The following KIFC3 variants were observed in gnomAD, a reference collection of about 807,000 sequenced individuals.
KIFC3 encodes kinesin family member C3.
KIFC3 carries 60 observed loss-of-function variants against 101.8 expected under a neutral mutation model. The observed-to-expected ratio is 0.59, with a 90% CI of 0.48 to 0.73. The LOEUF (loss-of-function observed/expected upper bound fraction) is 0.73, where lower values mean the gene tolerates loss of function less well. KIFC3 is among the 30% of genes least tolerant of loss of function. The pLI, the probability that KIFC3 is intolerant of heterozygous loss-of-function variation, is 0.00. For synonymous variants in KIFC3, 476 were observed against 482.7 expected (o/e 0.99, Z 0.18); for missense variants, 966 against 1,137.1 (o/e 0.85, Z 2.16).
intron 1 of KIFC3, chr16:57,810,729 C>T (rs782623591): frequency 8.4e-5 from 82 of 972,248 alleles, no homozygotes; most frequent in Non-Finnish European, 9.2e-5. Flanking sequence ...AAGGGAAAAA[C>T]TCTTTACACA....
intron 2 of KIFC3, among the ~76,000 whole-genome samples, chr16:57,796,935 G>A (rs2054371007): frequency 6.6e-6 from 1 of 152,210 alleles, no homozygotes; most frequent in Admixed American, 6.5e-5. Flanking sequence ...CAACCTTATG[G>A]GGTAGAGGCC....
intron 1 of KIFC3, among the ~76,000 whole-genome samples, chr16:57,849,213 A>G (rs2055997544): frequency 6.6e-6 from 1 of 152,166 alleles, no homozygotes; most frequent in Non-Finnish European, 1.5e-5. Context: ...AACTACCATC[A>G]CAGTTTCTTG....
chr16:57,768,854 A>G (rs564660472), intron 9 of KIFC3, among the ~76,000 whole-genome samples: 1 of 152,300 alleles, frequency 6.6e-6, no homozygotes, highest in Non-Finnish European at 1.5e-5. Context: ...TGAAAGAATT[A>G]AGTTAAACCT....
intron 3 of KIFC3, among the ~76,000 whole-genome samples, chr16:57,790,078 C>CTTTTTTTT (rs782291808): frequency 3.9e-4 from 37 of 94,094 alleles, no homozygotes; most frequent in African/African-American, 1.4e-3. Context: ...TTCTTTCTTT[C>CTTTTTTTT]TTTTTTTTTT....
At chr16:57,861,455 C>T (rs543920522) in intron 1 of KIFC3, among the ~76,000 whole-genome samples, 1 of 152,156 alleles carries the variant, frequency 6.6e-6, no homozygotes, top group Non-Finnish European at 1.5e-5. Context: ...CACTGCACAA[C>T]CTTAGATAAT....
At chr16:57,792,237 C>A (rs1456188563) in intron 3 of KIFC3, among the ~76,000 whole-genome samples, 1 of 152,196 alleles carries the variant, frequency 6.6e-6, no homozygotes, top group Non-Finnish European at 1.5e-5. Context: ...GCCTTGGCAG[C>A]ATCCCCAGAT....
chr16:57,841,777 T>A (rs1409529363), intron 1 of KIFC3, among the ~76,000 whole-genome samples: 1 of 152,144 alleles, frequency 6.6e-6, no homozygotes, highest in Non-Finnish European at 1.5e-5. Context: ...TGCCCTCAGT[T>A]CCAGCTCTCC....
At chr16:57,761,008 G>A (rs782041190) in intron 15 of KIFC3, 34 bp downstream of exon 15, 2 of 1,602,538 alleles carry the variant, frequency 1.2e-6, no homozygotes, top group African/African-American at 2.7e-5. Flanking sequence ...TGGGGTTGTG[G>A]GGATCCTCAG....
chr16:57,819,972 A>G (rs7500114), intron 1 of KIFC3, among the ~76,000 whole-genome samples: 70,545 of 151,980 alleles, frequency 0.46, 17,527 homozygotes, highest in African/African-American at 0.64. Flanking sequence ...GGGTTCTAAC[A>G]ATATTCCTGC....
intron 1 of KIFC3, among the ~76,000 whole-genome samples, chr16:57,850,018 CA>C (rs2056015609): frequency 6.6e-6 from 1 of 151,980 alleles, no homozygotes. Context: ...CACTTGAGGC[CA>C]GGAGTTTGAG....
chr16:57,800,691 G>C (rs1193952777), intron 1 of KIFC3, among the ~76,000 whole-genome samples: 2 of 152,288 alleles, frequency 1.3e-5, no homozygotes, highest in East Asian at 3.9e-4. Context: ...GGAAGATATC[G>C]GGAAGAAAGA....
chr16:57,841,405 C>T (rs1404179876), intron 1 of KIFC3, among the ~76,000 whole-genome samples: 2 of 152,198 alleles, frequency 1.3e-5, no homozygotes, highest in African/African-American at 4.8e-5. Flanking sequence ...GTGGCTCACG[C>T]CTGTAATCCC....
At chr16:57,763,242 G>C (rs1597886699) in intron 12 of KIFC3, among the ~76,000 whole-genome samples, 1 of 152,176 alleles carries the variant, frequency 6.6e-6, no homozygotes, top group Non-Finnish European at 1.5e-5. Flanking sequence ...ATACACTTGA[G>C]GATGAACGCT....
At chr16:57,810,013 T>G (rs1274710203) in intron 1 of KIFC3, among the ~76,000 whole-genome samples, 1 of 152,132 alleles carries the variant, frequency 6.6e-6, no homozygotes, top group Non-Finnish European at 1.5e-5. Flanking sequence ...CCCTGCCTGC[T>G]GTTAAGCCCT....
chr16:57,862,350 T>A (rs1959345673), intron 1 of KIFC3, among the ~76,000 whole-genome samples: 1 of 152,058 alleles, frequency 6.6e-6, no homozygotes, highest in African/African-American at 2.4e-5. Flanking sequence ...ACTTAGAACA[T>A]CGTGCAACTT....
chr16:57,811,448 C>T lies in KIFC3; in HGVS notation c.109-13166G>A, dbSNP rs77040561. Among the ~76,000 whole-genome samples the T allele has an allele frequency of 7.7e-4, 117 of 152,256 alleles. 1 individual carries two copies. In the East Asian group the frequency reaches 0.02, roughly 26 times the overall value. ...AGACCTACACAGAGGTCAGGCCAAG[C>T]GCGATGGCTCACGCCTATAATCTCA... On this transcript the variant is annotated intron_variant, in intron 1 of 2. Transcript: ENST00000563028.
chr16:57,811,876 G>A (rs2055084600), intron 1 of KIFC3, among the ~76,000 whole-genome samples: 1 of 144,102 alleles, frequency 6.9e-6, no homozygotes, highest in Non-Finnish European at 1.5e-5. Context: ...GATTGTGATT[G>A]TGCCACTGCA....
At chr16:57,837,957 C>A (rs1406910365) in intron 1 of KIFC3, among the ~76,000 whole-genome samples, 1 of 152,142 alleles carries the variant, frequency 6.6e-6, no homozygotes, top group Non-Finnish European at 1.5e-5. Context: ...GACCCAGGTC[C>A]GCTAACTCCT....
intron 3 of KIFC3, chr16:57,776,926 GAATTT>G (rs1225745692): frequency 1.3e-5 from 2 of 152,192 alleles, no homozygotes; most frequent in African/African-American, 4.8e-5. Context: ...AGTTTTATGT[GAATTT>G]AATTAAGATT....
Sources: gnomAD v4.1 joint callset for allele counts (sites outside exome capture counted in the v4.1 genomes callset) on GRCh38, gnomAD v4.1.1 for gene constraint, MANE v1.5 for transcripts, NCBI Gene and HGNC (gene_info 2026-07-23, HGNC 2026-07-21) for gene names.